TUSC3: variants seen among roughly 807,000 people sequenced by gnomAD.
TUSC3 encodes the protein tumor suppressor candidate 3.
Under a neutral mutation model 44.8 loss-of-function variants are expected in TUSC3, and 45 were observed. That is an observed-to-expected ratio of 1.00 (90% CI 0.79 to 1.29). The LOEUF (loss-of-function observed/expected upper bound fraction) is 1.29, where lower values mean the gene tolerates loss of function less well. Among genes scored for constraint, TUSC3 ranks in the 50% most tolerant of loss-of-function variants. The probability of loss-of-function intolerance (pLI) is 0.00; values close to 1 mark genes in which losing one functional copy is unlikely to be tolerated. For synonymous variants in TUSC3, 212 were observed against 152.9 expected (o/e 1.39, Z -2.85); for missense variants, 519 against 437.9 (o/e 1.19, Z -1.65).
intron 2 of TUSC3, among the ~76,000 whole-genome samples, chr8:15,648,427 C>T (rs192488183): frequency 1.3e-5 from 2 of 152,158 alleles, no homozygotes; most frequent in Non-Finnish European, 2.9e-5. Flanking sequence ...AGTGACAAGC[C>T]TTAAAGAATA....
intron 1 of TUSC3, among the ~76,000 whole-genome samples, chr8:15,595,344 T>A (rs944481105): frequency 6.6e-6 from 1 of 152,156 alleles, no homozygotes; most frequent in Non-Finnish European, 1.5e-5. Context: ...CTCTGCCCTG[T>A]GATTCTAGGT....
chr8:15,770,758 A>G (rs1053637639), downstream of TUSC3, among the ~76,000 whole-genome samples: 2 of 152,174 alleles, frequency 1.3e-5, no homozygotes, highest in African/African-American at 4.8e-5. Context: ...ACAAGGAAAT[A>G]TGAACACAGA....
At chr8:15,810,505 G>A in the TUSC3 span, among the ~76,000 whole-genome samples, 2 of 151,978 alleles carry the variant, frequency 1.3e-5, no homozygotes, top group Admixed American at 1.3e-4. Context: ...GGGTGTGGTG[G>A]CACACGCCTG....
intron 1 of TUSC3, among the ~76,000 whole-genome samples, chr8:15,609,662 A>G (rs574684964): frequency 6.6e-6 from 1 of 152,248 alleles, no homozygotes; most frequent in African/African-American, 2.4e-5. Context: ...AAGTATCATG[A>G]TTCCCATTAT....
intron 1 of TUSC3, among the ~76,000 whole-genome samples, chr8:15,422,705 A>G (rs1008078958): frequency 2.6e-5 from 4 of 152,088 alleles, no homozygotes; most frequent in African/African-American, 7.2e-5. Flanking sequence ...AGGCTGGGGT[A>G]CAGTGATATG....
intron 2 of TUSC3, among the ~76,000 whole-genome samples, chr8:15,508,608 C>A (rs1324214145): frequency 6.6e-6 from 1 of 151,768 alleles, no homozygotes; most frequent in Non-Finnish European, 1.5e-5. Flanking sequence ...ACTACAGGCG[C>A]CTGCCACCAT....
chr8:15,798,891 A>G, the TUSC3 span, among the ~76,000 whole-genome samples: 12 of 152,146 alleles, frequency 7.9e-5, no homozygotes, highest in African/African-American at 2.4e-4. Flanking sequence ...TTCCATGGTG[A>G]TGCTGCTGCC....
intron 8 of TUSC3, among the ~76,000 whole-genome samples, chr8:15,747,313 T>G (rs1563203042): frequency 1.3e-5 from 2 of 152,032 alleles, no homozygotes; most frequent in Admixed American, 1.3e-4. Flanking sequence ...ACAAATAACT[T>G]CAAATATTTT....
chr8:15,508,138 G>A (rs1015773853), intron 2 of TUSC3, among the ~76,000 whole-genome samples: 2 of 152,106 alleles, frequency 1.3e-5, no homozygotes, highest in Admixed American at 6.5e-5. Flanking sequence ...ACTCAGGAAC[G>A]TGAGGCAGGA....
intron 1 of TUSC3, among the ~76,000 whole-genome samples, chr8:15,546,163 A>C (rs1228809544): frequency 6.6e-6 from 1 of 151,790 alleles, no homozygotes; most frequent in African/African-American, 2.4e-5. Flanking sequence ...GTCTCTATCC[A>C]GTCTTTATTT....
chr8:15,795,798 A>G, the TUSC3 span, among the ~76,000 whole-genome samples: 1 of 152,204 alleles, frequency 6.6e-6, no homozygotes, highest in Non-Finnish European at 1.5e-5. Flanking sequence ...TTTCCAGATC[A>G]GTTTGAGTAA....
At chr8:15,636,147 G>A (rs922133593) in intron 2 of TUSC3, among the ~76,000 whole-genome samples, 6 of 152,010 alleles carry the variant, frequency 3.9e-5, no homozygotes, top group African/African-American at 1.2e-4. Flanking sequence ...CCTGTTTTTG[G>A]TATTACACAG....
At chr8:15,440,136 G>C (rs971420400) in intron 1 of TUSC3, among the ~76,000 whole-genome samples, 3 of 152,146 alleles carry the variant, frequency 2.0e-5, no homozygotes, top group Non-Finnish European at 2.9e-5. Context: ...TATGATTTTG[G>C]GCTGGGATTT....
chr8:15,503,605 A>T (rs914246862), intron 2 of TUSC3, among the ~76,000 whole-genome samples: 5 of 152,062 alleles, frequency 3.3e-5, no homozygotes, highest in African/African-American at 1.2e-4. Flanking sequence ...TCACAAGGCT[A>T]AGAAGGGGGG....
At chr8:15,606,937 A>ATG (rs2129157091) in intron 1 of TUSC3, among the ~76,000 whole-genome samples, 1 of 150,232 alleles carries the variant, frequency 6.7e-6, no homozygotes, top group East Asian at 1.9e-4. Flanking sequence ...GTGTGTGTGT[A>ATG]TGTGTATATG....
intron 1 of TUSC3, among the ~76,000 whole-genome samples, chr8:15,462,002 TTTTC>T (rs1047981324): frequency 1.5e-4 from 23 of 152,170 alleles, no homozygotes; most frequent in African/African-American, 5.3e-4. Flanking sequence ...CTTATAATTG[TTTTC>T]TTTCTTTACT....
the TUSC3 span, among the ~76,000 whole-genome samples, chr8:15,831,930 G>T: frequency 6.6e-6 from 1 of 152,112 alleles, no homozygotes; most frequent in Non-Finnish European, 1.5e-5. Context: ...TTCAAATTCA[G>T]GAAATGGAGA....
the TUSC3 span, among the ~76,000 whole-genome samples, chr8:15,799,114 C>T: frequency 2.0e-5 from 3 of 152,124 alleles, no homozygotes; most frequent in African/African-American, 7.2e-5. Context: ...AAACAAACAA[C>T]AACAAAACCC....
chr8:15,536,125 G>T (rs1801518643), upstream of TUSC3, among the ~76,000 whole-genome samples: 2 of 152,152 alleles, frequency 1.3e-5, no homozygotes, highest in South Asian at 2.1e-4. Flanking sequence ...AGGCAAAAAG[G>T]GTTCCAACAA....
Sources: gnomAD v4.1 joint callset for allele counts (sites outside exome capture counted in the v4.1 genomes callset) on GRCh38, gnomAD v4.1.1 for gene constraint, MANE v1.5 for transcripts, NCBI Gene and HGNC (gene_info 2026-07-23, HGNC 2026-07-21) for gene names.